Variants in GRIP1 observed in about 807,000 individuals in gnomAD.
GRIP1 encodes glutamate receptor interacting protein 1.
In GRIP1, 45 loss-of-function variants were observed where a neutral mutation model predicts 129.9. The ratio of observed to expected loss-of-function variants is 0.35; its 90% CI spans 0.27 to 0.44. The LOEUF (loss-of-function observed/expected upper bound fraction) is 0.44, where lower values mean the gene tolerates loss of function less well. GRIP1 is among the 20% of genes least tolerant of loss of function. The pLI is 1.00. For synonymous variants in GRIP1, 530 were observed against 520.8 expected, an observed-to-expected ratio of 1.02 and a Z score of -0.24; for missense variants, 1,196 against 1,396.8, an observed-to-expected ratio of 0.86 and a Z score of 2.29.
intron 5 of GRIP1, among the ~76,000 whole-genome samples, chr12:66,527,040 G>C (rs1476827670): frequency 7.0e-6 from 1 of 143,012 alleles, no homozygotes; most frequent in Non-Finnish European, 1.5e-5. Context: ...GTGCTGGAGA[G>C]GATGTGGAGA....
intron 9 of GRIP1, among the ~76,000 whole-genome samples, chr12:66,461,501 G>A (rs564217655): frequency 1.1e-4 from 16 of 152,300 alleles, no homozygotes; most frequent in Non-Finnish European, 1.8e-4. Flanking sequence ...CCTTGTGAAC[G>A]GCACCTTCCT....
intron 1 of GRIP1, among the ~76,000 whole-genome samples, chr12:66,869,040 C>T (rs2040251447): frequency 6.6e-6 from 1 of 152,062 alleles, no homozygotes. Context: ...GCTCTAGACA[C>T]ACCATAGAAA....
chr12:66,811,158 A>G (rs1327546318), intron 1 of GRIP1, among the ~76,000 whole-genome samples: 6 of 152,258 alleles, frequency 3.9e-5, no homozygotes, highest in Non-Finnish European at 4.4e-5. Flanking sequence ...AAGGGCTCAG[A>G]TAACTGAGGT....
chr12:66,480,033 C>A (rs899493795), intron 7 of GRIP1, among the ~76,000 whole-genome samples: 1 of 152,130 alleles, frequency 6.6e-6, no homozygotes, highest in Non-Finnish European at 1.5e-5. Context: ...CCTCTCTCAC[C>A]ACTCCTATTC....
At chr12:66,840,395 T>A (rs889498159) in intron 1 of GRIP1, among the ~76,000 whole-genome samples, 1 of 152,140 alleles carries the variant, frequency 6.6e-6, no homozygotes, top group Non-Finnish European at 1.5e-5. Flanking sequence ...ATTTTTCTAA[T>A]GTTAATCTGC....
chr12:66,986,227 G>A (rs2135618034), intron 1 of GRIP1, among the ~76,000 whole-genome samples: 1 of 152,244 alleles, frequency 6.6e-6, no homozygotes, highest in Admixed American at 6.5e-5. Context: ...TACACTGTTG[G>A]TGGGACTGTA....
chr12:67,016,012 T>C (rs983431012), intron 1 of GRIP1, among the ~76,000 whole-genome samples: 1 of 152,154 alleles, frequency 6.6e-6, no homozygotes, highest in Non-Finnish European at 1.5e-5. Context: ...AAGGACACAA[T>C]AGCATTTACT....
intron 1 of GRIP1, among the ~76,000 whole-genome samples, chr12:67,068,848 A>AC (rs2043679653): frequency 4.2e-4 from 1 of 2,406 alleles, no homozygotes; most frequent in Non-Finnish European, 8.3e-4. Flanking sequence ...CTGCCCTCTC[A>AC]TCCCGCCCCC....
At chr12:66,413,662 C>G (rs901614860) in intron 15 of GRIP1, among the ~76,000 whole-genome samples, 1 of 152,112 alleles carries the variant, frequency 6.6e-6, no homozygotes, top group Non-Finnish European at 1.5e-5. Flanking sequence ...AAACTTCAGG[C>G]TCATATTCTT....
chr12:66,376,950 G>T (rs2055812941), intron 22 of GRIP1, 67 bp downstream of exon 22: 1 of 1,067,796 alleles, frequency 9.4e-7, no homozygotes, highest in Non-Finnish European at 1.5e-6. Context: ...TCAAATTGCT[G>T]TCCAGAAGGC....
chr12:66,640,919 A>G (rs569365786), intron 1 of GRIP1, among the ~76,000 whole-genome samples: 1 of 152,302 alleles, frequency 6.6e-6, no homozygotes, highest in East Asian at 1.9e-4. Flanking sequence ...TCCTTATACA[A>G]CAAGAACAGA....
chr12:66,743,380 G>C (rs528819477), intron 1 of GRIP1, among the ~76,000 whole-genome samples: 5 of 152,184 alleles, frequency 3.3e-5, no homozygotes, highest in African/African-American at 1.2e-4. Context: ...CAAGCTGGTG[G>C]AGTGACCAGG....
At chr12:67,023,048 T>C (rs2042891282) in intron 1 of GRIP1, among the ~76,000 whole-genome samples, 1 of 152,230 alleles carries the variant, frequency 6.6e-6, no homozygotes, top group African/African-American at 2.4e-5. Context: ...TTTATATATC[T>C]AGATACAGGA....
chr12:66,546,631 G>C (rs1395380861), intron 2 of GRIP1, among the ~76,000 whole-genome samples: 1 of 152,088 alleles, frequency 6.6e-6, no homozygotes, highest in South Asian at 2.1e-4. Flanking sequence ...TTCAATAGAG[G>C]AAAGGTAGCC....
chr12:66,831,168 CT>C (rs1231425484), intron 1 of GRIP1, among the ~76,000 whole-genome samples: 1 of 152,064 alleles, frequency 6.6e-6, no homozygotes, highest in African/African-American at 2.4e-5. Context: ...CAGGAACCAT[CT>C]GAAACTATTG....
At chr12:66,726,576 G>A (rs2036260229) in intron 1 of GRIP1, among the ~76,000 whole-genome samples, 1 of 152,174 alleles carries the variant, frequency 6.6e-6, no homozygotes. Context: ...CTGGGGGCAT[G>A]AACAATACCT....
chr12:66,713,678 C>G (rs749599229), intron 1 of GRIP1, among the ~76,000 whole-genome samples: 9 of 152,030 alleles, frequency 5.9e-5, no homozygotes, highest in Admixed American at 5.9e-4. Flanking sequence ...AACTACCAAC[C>G]ATTCCTTCTC....
At chr12:66,856,984 CAATGATAGACTGG>C (rs1419752406) in intron 1 of GRIP1, among the ~76,000 whole-genome samples, 20 of 152,228 alleles carry the variant, frequency 1.3e-4, no homozygotes, top group African/African-American at 3.9e-4. Flanking sequence ...AAATGTCCAA[CAATGATAGACTGG>C]ATTAAGAAAA....
chr12:66,765,985 G>C (rs2037623847), intron 1 of GRIP1, among the ~76,000 whole-genome samples: 1 of 152,128 alleles, frequency 6.6e-6, no homozygotes, highest in Admixed American at 6.5e-5. Flanking sequence ...ACTCAAGACT[G>C]TTCTGGTACC....
Sources: gnomAD v4.1 joint callset for allele counts (sites outside exome capture counted in the v4.1 genomes callset) on GRCh38, gnomAD v4.1.1 for gene constraint, MANE v1.5 for transcripts, NCBI Gene and HGNC (gene_info 2026-07-23, HGNC 2026-07-21) for gene names.